Variants in SUSD6 observed in about 807,000 individuals in gnomAD.
SUSD6 encodes sushi domain containing 6, also known as sushi domain-containing protein 6.
In SUSD6, 16 loss-of-function variants were observed where a neutral mutation model predicts 28.4. The ratio of observed to expected loss-of-function variants is 0.56; its 90% confidence interval spans 0.38 to 0.86. The LOEUF is 0.86. Among genes scored for constraint, SUSD6 ranks in the 40% least tolerant of loss-of-function variants. The pLI is 0.00. For missense variants in SUSD6, 341 were observed against 384.2 expected, an observed-to-expected ratio of 0.89 and a Z score of 0.94; for synonymous variants, 147 against 159.6, an observed-to-expected ratio of 0.92 and a Z score of 0.59.
Position 69,713,021 on chromosome 14 carries a change from G to A in SUSD6, c.*2042G>A, listed in dbSNP as rs1472722347. On this transcript the variant is annotated 3_prime_UTR_variant, in exon 6 of 6. Transcript: ENST00000342745. ...CCAAAACAGAAAGCAGTGACAAAAG[G>A]GGGAGGGGTGGTAATCTGAAGTCTC... is the stretch of plus-strand genomic sequence containing the variant. 6.6e-6 allele frequency: 1 copy of A among 152,312 alleles called. No homozygotes were observed. The highest frequency in any genetic ancestry group is 1.5e-5 in the Non-Finnish European group (1 of 68,112). 9.4% of individuals were successfully genotyped at this position (152,312 alleles called of 1,614,324 possible). A position where few individuals can be genotyped will look rare whatever the true frequency, so the allele number is the denominator to read the frequency against.
chr14:69,703,388 T>G lies in SUSD6; in HGVS notation c.122-7T>G, dbSNP rs1886339439. On this transcript the variant is annotated splice_polypyrimidine_tract_variant and splice_region_variant and intron_variant, in intron 2 of 5. Coordinates refer to ENST00000342745, the MANE Select transcript of SUSD6 (RefSeq NM_014734.4). The stretch of plus-strand genomic sequence containing the variant: ...ACTGTACCCCTGCTCTCTCCCTGTC[T>G]TTGCAGTGTGCCCCCTACCACCGGA... 6.2e-7 allele frequency: 1 copy of G among 1,612,454 alleles called. No individual in the cohort carries two copies.
Position 69,712,501 on chromosome 14 carries a change from G to A in SUSD6, c.*1522G>A, listed in dbSNP as rs1465952027. 1 of 152,264 alleles carries A rather than the reference G, an allele frequency of 6.6e-6. No homozygotes were observed. The highest frequency in any genetic ancestry group is 1.5e-5 in the Non-Finnish European group (1 of 68,086). The allele number at this position is 152,264 out of a possible 1,614,324, so 9.4% of individuals were successfully genotyped here. On this transcript the variant is annotated 3_prime_UTR_variant, in exon 6 of 6. Transcript: ENST00000342745. ...AAATTTTCTGAAGCACTGTGGCTGGGAAACTTCGAAGCGGACCCTGTGCTG... is the reference window on the plus strand; with the variant it reads ...AAATTTTCTGAAGCACTGTGGCTGGAAAACTTCGAAGCGGACCCTGTGCTG...
intron 2 of SUSD6, among the ~76,000 whole-genome samples, chr14:69,682,829 C>G (rs1886016457): frequency 6.6e-6 from 1 of 152,142 alleles, no homozygotes; most frequent in Non-Finnish European, 1.5e-5. Context: ...AAGTTGCCTC[C>G]CTTTTTTCCC....
rs527789573 is a variant in SUSD6, at chr14:69,674,660, A to G, written c.121+15947A>G. Among the ~76,000 whole-genome samples the G allele has an allele frequency of 2.0e-5, 3 of 152,146 alleles. No homozygotes were observed. In the East Asian group the frequency reaches 5.8e-4, roughly 29 times the overall value. On this transcript the variant is annotated intron_variant, in intron 2 of 5. Coordinates refer to ENST00000342745, the MANE Select transcript of SUSD6 (RefSeq NM_014734.4). ...GGGAATTTGCTGTTCTTCAGATTGA[A>G]TTTGACCCCGTTTTCAGCCTTTATT...
At chr14:69,615,249 A>G (rs962795058) in intron 1 of SUSD6, among the ~76,000 whole-genome samples, 3 of 152,228 alleles carry the variant, frequency 2.0e-5, no homozygotes, top group African/African-American at 7.2e-5. Context: ...CGAGCTCCAT[A>G]GTACTCAGGA....
At chr14:69,670,973 C>T (rs1446365983) in intron 2 of SUSD6, among the ~76,000 whole-genome samples, 2 of 152,244 alleles carry the variant, frequency 1.3e-5, no homozygotes, top group Admixed American at 6.5e-5. Flanking sequence ...GGAGTATGTT[C>T]AGTAGCTGTA....
chr14:69,666,350 A>G (rs1425726512), intron 2 of SUSD6, among the ~76,000 whole-genome samples: 5 of 152,132 alleles, frequency 3.3e-5, no homozygotes, highest in Non-Finnish European at 7.4e-5. Flanking sequence ...GGTATTTCAG[A>G]GCTGATATTC....
rs185360287 is a variant in SUSD6, at chr14:69,652,591, G to A, written c.-80-5922G>A. 3.3e-5 allele frequency among the ~76,000 whole-genome samples: 5 copies of A among 152,338 alleles called. No homozygotes were observed. In the East Asian group the frequency reaches 9.6e-4, roughly 29 times the overall value. On this transcript the variant is annotated intron_variant, in intron 1 of 5. Transcript: ENST00000342745. ...TTAGGAGAAGTGTTTGATAGTGTTT[G>A]ATAGTGTGAGATGACCTTGCACCTT...
intron 2 of SUSD6, among the ~76,000 whole-genome samples, chr14:69,686,114 ATTTT>A (rs1216028926): frequency 6.6e-6 from 1 of 152,244 alleles, no homozygotes; most frequent in Non-Finnish European, 1.5e-5. Context: ...GAATTGGAAG[ATTTT>A]TAAATTCAAT....
chr14:69,656,120 CTCTTCCTCCATTCTTCCCTCCCTCCG>C lies in SUSD6; in HGVS notation c.-80-2367_-80-2342del, dbSNP rs1260808810. On this transcript the variant is annotated intron_variant, in intron 1 of 5. Transcript: ENST00000342745. Reference sequence around the variant, plus strand: ...CCTCCTTTCCTTTCCCTTCCTCTTCCTCTTCCTCCATTCTTCCCTCCCTCCGTCTTCCTCCATTCTTCCCTCCCTCC... The same window carrying C: ...CCTCCTTTCCTTTCCCTTCCTCTTCCTCTTCCTCCATTCTTCCCTCCCTCC... Among the ~76,000 whole-genome samples the C allele has an allele frequency of 2.1e-4, 31 of 149,534 alleles. 1 individual carries two copies. The East Asian group carries it at 2.6e-3, about 12-fold the overall frequency.
chr14:69,695,581 G>C (rs564861871), intron 2 of SUSD6, among the ~76,000 whole-genome samples: 1 of 152,118 alleles, frequency 6.6e-6, no homozygotes, highest in Non-Finnish European at 1.5e-5. Context: ...TGCCATCTGT[G>C]GCTCCCTTGA....
intron 3 of SUSD6, chr14:69,703,820 A>T: frequency 1.7e-6 from 1 of 579,412 alleles, no homozygotes; most frequent in Non-Finnish European, 3.1e-6. Context: ...TGCTCTGTAA[A>T]GCCCGTTTGA....
intron 2 of SUSD6, among the ~76,000 whole-genome samples, chr14:69,668,656 AAAAG>A (rs1177536845): frequency 1.3e-5 from 2 of 149,922 alleles, no homozygotes; most frequent in African/African-American, 4.9e-5. Flanking sequence ...AAAGAAAAGG[AAAAG>A]AAAGAAAGTA....
chr14:69,689,715 G>T (rs1452826001), intron 2 of SUSD6, among the ~76,000 whole-genome samples: 1 of 152,192 alleles, frequency 6.6e-6, no homozygotes, highest in Non-Finnish European at 1.5e-5. Context: ...CACCAGGCTG[G>T]AGTGCAGTGG....
chr14:69,696,215 AT>A (rs1259410584), intron 2 of SUSD6, among the ~76,000 whole-genome samples: 8 of 152,348 alleles, frequency 5.3e-5, no homozygotes, highest in African/African-American at 1.9e-4. Flanking sequence ...AGCCCTGCCA[AT>A]TACAAATGTG....
chr14:69,624,107 T>TA (rs1885079915), intron 1 of SUSD6, among the ~76,000 whole-genome samples: 1 of 152,240 alleles, frequency 6.6e-6, no homozygotes, highest in South Asian at 2.1e-4. Flanking sequence ...GTAAGTGCCC[T>TA]ATACAGATGT....
At chr14:69,709,939 A>C (rs945664797) in intron 5 of SUSD6, among the ~76,000 whole-genome samples, 4 of 152,228 alleles carry the variant, frequency 2.6e-5, no homozygotes, top group Non-Finnish European at 5.9e-5. Flanking sequence ...CTTAGAGGAA[A>C]CTTTATGCTT....
At chr14:69,633,770 A>G (rs1026069256) in intron 1 of SUSD6, among the ~76,000 whole-genome samples, 8 of 152,184 alleles carry the variant, frequency 5.3e-5, no homozygotes, top group Admixed American at 1.3e-4. Flanking sequence ...CCTCAACTCC[A>G]CTGAAATTCT....
At chr14:69,658,820 AG>A in intron 2 of SUSD6, 107 bp downstream of exon 2, 1 of 1,453,432 alleles carries the variant, frequency 6.9e-7, no homozygotes, top group Non-Finnish European at 9.6e-7. Flanking sequence ...GGTTTCAGGG[AG>A]AGCAGAGGGT....
Sources: allele counts gnomAD v4.1 joint callset (sites outside exome capture counted in the v4.1 genomes callset), GRCh38; gene constraint gnomAD v4.1.1; transcripts MANE v1.5; gene names NCBI Gene and HGNC (gene_info 2026-07-23, HGNC 2026-07-21).